DEPDC1B: variants seen among roughly 807,000 people sequenced by gnomAD.
The protein encoded by DEPDC1B is DEP domain containing 1B, also known as DEP domain-containing protein 1B.
Under a neutral mutation model 66.5 loss-of-function variants are expected in DEPDC1B, and 51 were observed. The ratio of observed to expected loss-of-function variants is 0.77; its 90% CI spans 0.61 to 0.97. The LOEUF is 0.97. Among genes scored for constraint, DEPDC1B ranks in the 50% least tolerant of loss-of-function variants. The probability of loss-of-function intolerance (pLI) is 0.00; values close to 1 mark genes in which losing one functional copy is unlikely to be tolerated. For synonymous variants in DEPDC1B, 226 were observed against 223.6 expected, an observed-to-expected ratio of 1.01 and a Z score of -0.10; for missense variants, 552 against 637.1, an observed-to-expected ratio of 0.87 and a Z score of 1.44.
chr5:60,641,548 C>T (rs983377252), intron 6 of DEPDC1B, among the ~76,000 whole-genome samples: 2 of 151,842 alleles, frequency 1.3e-5, no homozygotes, highest in African/African-American at 2.4e-5. Context: ...GGATGGTCTC[C>T]ATCTCCTGAC....
At chr5:60,635,499 G>T (rs1191672438) in intron 7 of DEPDC1B, among the ~76,000 whole-genome samples, 2 of 152,222 alleles carry the variant, frequency 1.3e-5, no homozygotes, top group African/African-American at 4.8e-5. Flanking sequence ...AAAGGGAACA[G>T]CAAAGAGCTA....
intron 9 of DEPDC1B, among the ~76,000 whole-genome samples, chr5:60,601,506 G>A (rs1752198576): frequency 6.6e-6 from 1 of 152,152 alleles, no homozygotes. Context: ...ATATGTTCAT[G>A]GCCTTTGGCC....
chr5:60,599,919 TTGTGTGTG>T (rs60016224), intron 9 of DEPDC1B, among the ~76,000 whole-genome samples: 2 of 151,074 alleles, frequency 1.3e-5, no homozygotes, highest in African/African-American at 2.4e-5. Flanking sequence ...CATTCTATAT[TTGTGTGTG>T]TGTGTGTGTG....
rs540433694 is a variant in DEPDC1B at position 60,655,438 on chromosome 5, T to C, written c.315-7905A>G. Among the ~76,000 whole-genome samples, 25 of 149,372 alleles carry C rather than the reference T, an allele frequency of 1.7e-4. 2 individuals carry two copies. In the South Asian group the frequency reaches 3.6e-3, roughly 21 times the overall value. On this transcript the variant is annotated intron_variant, in intron 2 of 10. Coordinates refer to ENST00000265036, the MANE Select transcript of DEPDC1B (RefSeq NM_018369.3). ...TTAAGGTGTTCCTAGTAGCCTTTAA[T>C]GATCTTTTGTATTTATATGGTATCA...
chr5:60,659,237 G>C (rs950137847), intron 2 of DEPDC1B, among the ~76,000 whole-genome samples: 5 of 151,986 alleles, frequency 3.3e-5, no homozygotes, highest in African/African-American at 1.2e-4. Context: ...GCGGCCCGTC[G>C]CATCTTGGGA....
intron 2 of DEPDC1B, among the ~76,000 whole-genome samples, chr5:60,658,136 A>G (rs1753620484): frequency 6.6e-6 from 1 of 152,100 alleles, no homozygotes; most frequent in African/African-American, 2.4e-5. Context: ...CTTTATTTCC[A>G]GAAGTTGTGA....
intron 4 of DEPDC1B, 45 bp downstream of exon 4, chr5:60,645,447 G>A (rs918684504): frequency 6.7e-7 from 1 of 1,503,618 alleles, no homozygotes; most frequent in Non-Finnish European, 8.9e-7. Flanking sequence ...AGCAAAATAG[G>A]AAACAATATC....
intron 1 of DEPDC1B, among the ~76,000 whole-genome samples, chr5:60,696,157 A>G (rs1754649454): frequency 6.6e-6 from 1 of 152,170 alleles, no homozygotes; most frequent in African/African-American, 2.4e-5. Flanking sequence ...TTCAGTTCTC[A>G]GAATTTTACT....
At chr5:60,663,497 A>G (rs1753768280) in intron 2 of DEPDC1B, among the ~76,000 whole-genome samples, 1 of 152,214 alleles carries the variant, frequency 6.6e-6, no homozygotes, top group African/African-American at 2.4e-5. Context: ...ATACCAGAGA[A>G]AGCAGAGTGG....
chr5:60,606,778 T>A (rs1197736707), intron 7 of DEPDC1B, among the ~76,000 whole-genome samples: 2 of 150,880 alleles, frequency 1.3e-5, no homozygotes, highest in Non-Finnish European at 2.9e-5. Flanking sequence ...GCAAGACCTG[T>A]CTCTTTTTTT....
At chr5:60,668,161 ATATATATATAAAATGGATATTT>A (rs1561384963) in intron 2 of DEPDC1B, among the ~76,000 whole-genome samples, 31 of 20,056 alleles carry the variant, frequency 1.5e-3, no homozygotes, top group Non-Finnish European at 2.0e-3. Context: ...AATGGATATT[ATATATATATAAAATGGATATTT>A]TATATATATA....
intron 2 of DEPDC1B, among the ~76,000 whole-genome samples, chr5:60,670,066 A>C (rs747854596): frequency 6.6e-6 from 1 of 152,098 alleles, no homozygotes; most frequent in Non-Finnish European, 1.5e-5. Context: ...TGATTATTGC[A>C]CCAAAAAACA....
In DEPDC1B at chr5:60,648,811, A is replaced by C. The variant is rs567355550; in HGVS notation, c.315-1278T>G. Among the ~76,000 whole-genome samples the C allele has an allele frequency of 5.9e-5, 9 of 152,340 alleles. No individual in the cohort carries two copies. The East Asian group carries it at 1.7e-3, about 29-fold the overall frequency. On this transcript the variant is annotated intron_variant, in intron 2 of 10. Coordinates refer to ENST00000265036, the MANE Select transcript of DEPDC1B (RefSeq NM_018369.3). ...GCAGGTGTTCCCAAAAGATTCCAAA[A>C]TATAAACTAAATGAATCTCTATAGC...
At chr5:60,670,049 C>T (rs149499612) in intron 2 of DEPDC1B, among the ~76,000 whole-genome samples, 112 of 152,062 alleles carry the variant, frequency 7.4e-4, no homozygotes, top group African/African-American at 2.5e-3. Flanking sequence ...CCCAGAAATA[C>T]GTGGGGTGAT....
Position 60,606,756 on chromosome 5 carries a change from C to T in DEPDC1B, c.899-900G>A, listed in dbSNP as rs1300401560. On this transcript the variant is annotated intron_variant, in intron 7 of 10. Transcript: ENST00000265036. ...TACAGTGAGCCATAATGGCACCAGC[C>T]TGGGCAACACAGCAAGACCTGTCTC... 4.0e-5 allele frequency among the ~76,000 whole-genome samples: 6 copies of T among 151,404 alleles called. No homozygotes were observed. In the East Asian group the frequency reaches 1.2e-3, roughly 29 times the overall value.
chr5:60,680,879 A>T (rs1026370056), intron 2 of DEPDC1B, among the ~76,000 whole-genome samples: 1 of 152,232 alleles, frequency 6.6e-6, no homozygotes, highest in Admixed American at 6.5e-5. Context: ...CATGTTGTGA[A>T]AATAGAGGCA....
chr5:60,676,099 T>C (rs1754152719), intron 2 of DEPDC1B, among the ~76,000 whole-genome samples: 2 of 151,886 alleles, frequency 1.3e-5, no homozygotes, highest in Admixed American at 6.5e-5. Context: ...AGCTACAATT[T>C]TTTTGTATTT....
intron 7 of DEPDC1B, among the ~76,000 whole-genome samples, chr5:60,612,721 AAAG>A (rs1475019652): frequency 2.0e-5 from 3 of 151,692 alleles, no homozygotes; most frequent in East Asian, 1.9e-4. Flanking sequence ...AAAAAAAAAA[AAAG>A]GTCTTTGGAC....
rs886613094 is a variant in DEPDC1B at position 60,597,336 on chromosome 5, G to C, written c.*417C>G. 6.4e-6 allele frequency: 1 copy of C among 156,768 alleles called. No individual in the cohort carries two copies. The highest frequency in any genetic ancestry group is 2.4e-5 in the African/African-American group (1 of 41,446). The allele number at this position is 156,768 out of a possible 1,614,324, so 9.7% of individuals were successfully genotyped here. The stretch of plus-strand genomic sequence containing the variant: ...AATAGCATCACAGTAACAGTACCCA[G>C]TGTCTTTCTTATTCAAGTATACACG... On this transcript the variant is annotated 3_prime_UTR_variant, in exon 11 of 11. Coordinates refer to ENST00000265036, the MANE Select transcript of DEPDC1B (RefSeq NM_018369.3).
Sources: allele counts gnomAD v4.1 joint callset (sites outside exome capture counted in the v4.1 genomes callset), GRCh38; gene constraint gnomAD v4.1.1; transcripts MANE v1.5; gene names NCBI Gene and HGNC (gene_info 2026-07-23, HGNC 2026-07-21).